SLC35F1: variants seen among roughly 807,000 people sequenced by gnomAD.
SLC35F1 encodes chromosome 6 open reading frame 169.
SLC35F1 carries 14 observed loss-of-function variants against 48.7 expected under a neutral mutation model. The ratio of observed to expected loss-of-function variants is 0.29; its 90% CI spans 0.19 to 0.45. SLC35F1 has a LOEUF of 0.45. Among genes scored for constraint, SLC35F1 ranks in the 20% least tolerant of loss-of-function variants. The pLI, the probability that SLC35F1 is intolerant of heterozygous loss-of-function variation, is 1.00. For missense variants in SLC35F1, 404 were observed against 500.0 expected (o/e 0.81, Z 1.83); for synonymous variants, 190 against 202.2 (o/e 0.94, Z 0.51).
intron 1 of SLC35F1, among the ~76,000 whole-genome samples, chr6:117,914,988 ATTC>A (rs556329307): frequency 3.4e-4 from 52 of 152,318 alleles, no homozygotes; most frequent in African/African-American, 1.1e-3. Flanking sequence ...TTTGAATCCC[ATTC>A]TTCTGTTCAG....
intron 1 of SLC35F1, among the ~76,000 whole-genome samples, chr6:117,966,142 CACT>C (rs1562250366): frequency 2.4e-3 from 325 of 134,252 alleles, no homozygotes; most frequent in African/African-American, 3.1e-3. Context: ...CCCCCCCCCC[CACT>C]CCCGCCCCGC....
intron 7 of SLC35F1, among the ~76,000 whole-genome samples, chr6:118,297,098 T>C (rs1422546631): frequency 6.6e-6 from 1 of 152,212 alleles, no homozygotes; most frequent in South Asian, 2.1e-4. Context: ...ATTTAAAGTG[T>C]TAAGAGTTGT....
chr6:118,060,142 A>C (rs1343670777), intron 1 of SLC35F1, among the ~76,000 whole-genome samples: 2 of 152,192 alleles, frequency 1.3e-5, no homozygotes, highest in Non-Finnish European at 2.9e-5. Context: ...CCTCCTCATT[A>C]GTAGCCTCTT....
Position 118,129,811 on chromosome 6 carries a change from T to A in SLC35F1, c.174-24634T>A, listed in dbSNP as rs148585408. On this transcript the variant is annotated intron_variant, in intron 1 of 7. Transcript: ENST00000360388. ...ACATATTTAAGAGATGATTTACATA[T>A]AATACATTTAAACATAGAATCCTAT... Among the ~76,000 whole-genome samples, 4 of 152,280 alleles carry A rather than the reference T, an allele frequency of 2.6e-5. No homozygotes were observed. In the East Asian group the frequency reaches 7.7e-4, roughly 29 times the overall value.
chr6:118,256,683 T>C (rs1775650708), intron 3 of SLC35F1, among the ~76,000 whole-genome samples: 1 of 152,210 alleles, frequency 6.6e-6, no homozygotes, highest in Non-Finnish European at 1.5e-5. Context: ...CTGACTCTTG[T>C]AGATTTTTGC....
chr6:118,109,245 G>A (rs1051880350), intron 1 of SLC35F1, among the ~76,000 whole-genome samples: 2 of 152,182 alleles, frequency 1.3e-5, no homozygotes, highest in Non-Finnish European at 2.9e-5. Context: ...CAGATGTGGA[G>A]CATATAGAAA....
chr6:118,285,475 T>G, intron 7 of SLC35F1, 137 bp downstream of exon 7: 1 of 935,430 alleles, frequency 1.1e-6, no homozygotes, highest in Admixed American at 2.0e-5. Flanking sequence ...ACCTCCATGA[T>G]TTAGGTATTC....
intron 1 of SLC35F1, among the ~76,000 whole-genome samples, chr6:117,960,936 AG>A (rs1447697039): frequency 6.6e-6 from 1 of 152,194 alleles, no homozygotes; most frequent in Non-Finnish European, 1.5e-5. Context: ...AAGAGGAGAA[AG>A]ACATGTGCCA....
At chr6:118,275,142 A>G (rs1320082630) in intron 4 of SLC35F1, among the ~76,000 whole-genome samples, 1 of 152,164 alleles carries the variant, frequency 6.6e-6, no homozygotes, top group Non-Finnish European at 1.5e-5. Flanking sequence ...GTGCCACTTC[A>G]TATTTGTATA....
At chr6:118,159,522 C>T (rs759643823) in intron 2 of SLC35F1, among the ~76,000 whole-genome samples, 4 of 152,122 alleles carry the variant, frequency 2.6e-5, no homozygotes, top group East Asian at 1.9e-4. Context: ...AAAACGTATG[C>T]GTTTGCCTAG....
intron 1 of SLC35F1, among the ~76,000 whole-genome samples, chr6:117,942,446 C>T (rs938519746): frequency 6.6e-6 from 1 of 152,182 alleles, no homozygotes; most frequent in Admixed American, 6.5e-5. Flanking sequence ...ACTTAATTAA[C>T]ACTGGTTAGT....
intron 1 of SLC35F1, among the ~76,000 whole-genome samples, chr6:117,985,321 C>T (rs1390861521): frequency 1.3e-5 from 2 of 152,234 alleles, no homozygotes; most frequent in South Asian, 2.1e-4. Context: ...TTAAATTGAG[C>T]AGGGATGGTA....
intron 1 of SLC35F1, among the ~76,000 whole-genome samples, chr6:118,090,172 AT>A (rs1051806431): frequency 2.6e-5 from 4 of 152,204 alleles, no homozygotes; most frequent in Non-Finnish European, 5.9e-5. Flanking sequence ...TGGGTTATAA[AT>A]TTTGGAAGAG....
chr6:118,067,036 T>A (rs915557153), intron 1 of SLC35F1, among the ~76,000 whole-genome samples: 3 of 152,178 alleles, frequency 2.0e-5, no homozygotes, highest in African/African-American at 7.2e-5. Flanking sequence ...GAACTAGGGC[T>A]GCAGCTGGTG....
rs552181066 is a variant in SLC35F1, at chr6:118,042,681, A to G, written c.174-111764A>G. 3.3e-5 allele frequency among the ~76,000 whole-genome samples: 5 copies of G among 152,298 alleles called. No homozygotes were observed. The East Asian group carries it at 7.7e-4, about 24-fold the overall frequency. On this transcript the variant is annotated intron_variant, in intron 1 of 7. Transcript: ENST00000360388. ...GAATAGGGAGAGAAGATGAGGGATC[A>G]TGTTGGTCTGTTGCAATAGTCCAGA...
intron 2 of SLC35F1, among the ~76,000 whole-genome samples, chr6:118,182,564 A>AAGGAAGG (rs1562317879): frequency 1.7e-5 from 1 of 60,590 alleles, no homozygotes; most frequent in Non-Finnish European, 4.3e-5. Context: ...AGGAAGGAAG[A>AAGGAAGG]AAAAAAGAAA....
intron 1 of SLC35F1, among the ~76,000 whole-genome samples, chr6:117,967,632 C>T: frequency 6.6e-6 from 1 of 152,158 alleles, no homozygotes; most frequent in East Asian, 1.9e-4. Flanking sequence ...TTGGCAATTT[C>T]TGAGGGTTAA....
At chr6:118,028,248 G>A (rs532272708) in intron 1 of SLC35F1, among the ~76,000 whole-genome samples, 17 of 152,128 alleles carry the variant, frequency 1.1e-4, no homozygotes, top group African/African-American at 3.4e-4. Context: ...CTCTGTTTCC[G>A]CTTTCTCCTG....
intron 2 of SLC35F1, among the ~76,000 whole-genome samples, chr6:118,174,137 GT>G (rs904028668): frequency 6.5e-4 from 99 of 152,206 alleles, no homozygotes; most frequent in African/African-American, 2.2e-3. Flanking sequence ...AGTCTCTACT[GT>G]TTTTTTATAC....
Sources: allele counts gnomAD v4.1 joint callset (sites outside exome capture counted in the v4.1 genomes callset), GRCh38; gene constraint gnomAD v4.1.1; transcripts MANE v1.5; gene names NCBI Gene and HGNC (gene_info 2026-07-23, HGNC 2026-07-21).